The following ASIP variants were observed in gnomAD, a reference collection of about 807,000 sequenced individuals.
ASIP encodes the protein agouti-signaling protein.
A neutral mutation model predicts 10.3 loss-of-function variants in ASIP; 11 were observed. The ratio of observed to expected loss-of-function variants is 1.07; its 90% CI spans 0.68 to 1.78. The LOEUF is 1.78. Ranked by LOEUF, ASIP falls within the 40% of genes most tolerant of loss-of-function variation. The pLI is 0.00. For missense variants in ASIP, 180 were observed against 169.2 expected, an observed-to-expected ratio of 1.06 and a Z score of -0.35; for synonymous variants, 70 against 70.8, an observed-to-expected ratio of 0.99 and a Z score of 0.06.
At chr20:34,245,241 G>A (rs1299637381) in intron 1 of ASIP, among the ~76,000 whole-genome samples, 1 of 150,228 alleles carries the variant, frequency 6.7e-6, no homozygotes, top group East Asian at 2.0e-4. Context: ...GACTGAGGCA[G>A]GAGAATCGCT....
intron 1 of ASIP, among the ~76,000 whole-genome samples, chr20:34,253,381 CG>C (rs1329025483): frequency 6.6e-6 from 1 of 151,368 alleles, no homozygotes; most frequent in African/African-American, 2.4e-5. Flanking sequence ...GCTGGGATTA[CG>C]GGCGTGAGCC....
intron 1 of ASIP, among the ~76,000 whole-genome samples, chr20:34,243,023 A>C (rs1421677374): frequency 6.6e-6 from 1 of 152,234 alleles, no homozygotes; most frequent in Non-Finnish European, 1.5e-5. Context: ...ATGTCAGGAG[A>C]TCTAAAACAA....
At chr20:34,205,349 C>T (rs1222792097) in intron 1 of ASIP, among the ~76,000 whole-genome samples, 1 of 151,992 alleles carries the variant, frequency 6.6e-6, no homozygotes, top group African/African-American at 2.4e-5. Context: ...AGTGAAGCTG[C>T]AGACCTTCGT....
At chr20:34,258,697 T>C (rs528172479) in intron 1 of ASIP, among the ~76,000 whole-genome samples, 1 of 13,134 alleles carries the variant, frequency 7.6e-5, no homozygotes, top group Non-Finnish European at 2.9e-4. Context: ...ATATACATAC[T>C]ATATATATAT....
At chr20:34,214,117 G>A in intron 1 of ASIP, 2 of 1,126,672 alleles carry the variant, frequency 1.8e-6, no homozygotes, top group Non-Finnish European at 1.4e-6. Context: ...AAGGACTGGT[G>A]GCCATTCTCA....
At chr20:34,243,611 G>C (rs188716763) in intron 1 of ASIP, among the ~76,000 whole-genome samples, 80 of 152,106 alleles carry the variant, frequency 5.3e-4, no homozygotes, top group African/African-American at 1.8e-3. Context: ...AGCACCAACA[G>C]AATACATATG....
chr20:34,207,180 T>G (rs902193089), intron 1 of ASIP, among the ~76,000 whole-genome samples: 2 of 152,214 alleles, frequency 1.3e-5, no homozygotes, highest in Non-Finnish European at 2.9e-5. Flanking sequence ...TTTTTTAAAT[T>G]TCTTTTCCTT....
At chr20:34,248,105 C>T (rs1172264419) in intron 1 of ASIP, among the ~76,000 whole-genome samples, 5 of 152,038 alleles carry the variant, frequency 3.3e-5, no homozygotes, top group Non-Finnish European at 2.9e-5. Flanking sequence ...ACTCAGGAGG[C>T]TGAGGCAGAA....
At chr20:34,217,728 A>AT (rs1348815136) in intron 1 of ASIP, among the ~76,000 whole-genome samples, 2 of 151,826 alleles carry the variant, frequency 1.3e-5, no homozygotes, top group Non-Finnish European at 2.9e-5. Flanking sequence ...CGCCCGGCTA[A>AT]TTTTTTTGTA....
chr20:34,202,583 C>A (rs919675563), intron 1 of ASIP, among the ~76,000 whole-genome samples: 4 of 151,904 alleles, frequency 2.6e-5, no homozygotes, highest in African/African-American at 4.8e-5. Flanking sequence ...CATCATGTAC[C>A]GAAAACACTA....
At position 34,213,408 on chromosome 20, in the gene ASIP, A is replaced by C. The variant is rs954686405; in HGVS notation, c.-11+18648A>C. 19 of 744,478 alleles carry C rather than the reference A, an allele frequency of 2.6e-5. No individual in the cohort carries two copies. In the African/African-American group the frequency reaches 2.8e-4, roughly 11 times the overall value. The allele number at this position is 744,478 out of a possible 1,614,324, so 46.1% of individuals were successfully genotyped here. On this transcript the variant is annotated intron_variant, in intron 1 of 3. Coordinates refer to the ASIP transcript ENST00000568305. The stretch of plus-strand genomic sequence containing the variant: ...CAGAGAGTGGAGTGTTGCTATAACC[A>C]ACACCTGAAAAATGTGAAAGTGGCT...
upstream of ASIP, among the ~76,000 whole-genome samples, chr20:34,237,268 A>G (rs867947586): frequency 3.4e-4 from 52 of 152,274 alleles, 1 homozygote; most frequent in Middle Eastern, 6.8e-3. Context: ...TTCTGCCAAA[A>G]AAAACCTCCT....
At position 34,246,323 on chromosome 20, in the gene ASIP, G is replaced by A. The variant is rs78396976; in HGVS notation, c.-11+4834G>A. On this transcript the variant is annotated intron_variant, in intron 1 of 3. Transcript: ENST00000374954. ...CTCACTAATTCCAGCTTCTTGTTTG[G>A]GTGAATTTTCTACAGTAAATTTTGC... 2.5e-3 allele frequency: 3,943 copies of A among 1,548,886 alleles called. 151 individuals carry two copies. The East Asian group carries it at 0.08, about 31-fold the overall frequency.
intron 3 of ASIP, among the ~76,000 whole-genome samples, chr20:34,263,179 T>C (rs1420882668): frequency 1.3e-5 from 2 of 152,258 alleles, no homozygotes; most frequent in East Asian, 1.9e-4. Flanking sequence ...TTTGGATGAA[T>C]GTGGTGTTTC....
intron 1 of ASIP, among the ~76,000 whole-genome samples, chr20:34,226,382 T>C (rs1162007935): frequency 6.6e-6 from 1 of 152,154 alleles, no homozygotes; most frequent in Non-Finnish European, 1.5e-5. Flanking sequence ...AGATGGAGTC[T>C]CGCTGTGTCA....
rs1014817686 is a variant in ASIP at position 34,264,267 on chromosome 20, AC to A, written c.222+1375del. Among the ~76,000 whole-genome samples, 61 of 152,364 alleles carry A rather than the reference AC, an allele frequency of 4.0e-4. 1 individual carries two copies. The highest frequency in any genetic ancestry group is 1.5e-3 in the African/African-American group (61 of 41,588). On this transcript the variant is annotated intron_variant, in intron 3 of 3. Coordinates refer to ENST00000374954, the MANE Select transcript of ASIP (RefSeq NM_001672.3). The stretch of plus-strand genomic sequence containing the variant: ...TCATAACTGTGTAAACAACTGCAGT[AC>A]ATACTGTACTACCATCATAATTGTG...
intron 1 of ASIP, among the ~76,000 whole-genome samples, chr20:34,258,109 A>C (rs2035604621): frequency 6.6e-6 from 1 of 151,880 alleles, no homozygotes; most frequent in Non-Finnish European, 1.5e-5. Flanking sequence ...GCACCACTGC[A>C]CTCCATCCTG....
At chr20:34,186,994 A>C in the ASIP span, among the ~76,000 whole-genome samples, 1 of 152,096 alleles carries the variant, frequency 6.6e-6, no homozygotes, top group East Asian at 1.9e-4. Flanking sequence ...TAGTATTTTT[A>C]CTAGAGACGG....
chr20:34,237,463 T>C (rs935174838), upstream of ASIP, among the ~76,000 whole-genome samples: 5 of 152,242 alleles, frequency 3.3e-5, no homozygotes, highest in African/African-American at 1.2e-4. Flanking sequence ...TTTCAGATTG[T>C]TCATTGTTAA....
Sources: gnomAD v4.1 joint callset for allele counts (sites outside exome capture counted in the v4.1 genomes callset) on GRCh38, gnomAD v4.1.1 for gene constraint, MANE v1.5 for transcripts, NCBI Gene and HGNC (gene_info 2026-07-23, HGNC 2026-07-21) for gene names.